The following BCAT1 variants were observed in gnomAD, a reference collection of about 807,000 sequenced individuals.
BCAT1 encodes branched chain amino acid transaminase 1.
A neutral mutation model predicts 52.4 loss-of-function variants in BCAT1; 48 were observed. The observed-to-expected ratio is 0.92, with a 90% CI of 0.73 to 1.16. BCAT1 has a LOEUF of 1.16. Ranked by LOEUF, BCAT1 falls within the 50% of genes most tolerant of loss-of-function variation. The pLI, the probability that BCAT1 is intolerant of heterozygous loss-of-function variation, is 0.00. For synonymous variants in BCAT1, 167 were observed against 161.3 expected (o/e 1.04, Z -0.27); for missense variants, 451 against 457.1 (o/e 0.99, Z 0.12).
At chr12:24,849,188 C>T (rs897882462) in intron 6 of BCAT1, among the ~76,000 whole-genome samples, 2 of 152,254 alleles carry the variant, frequency 1.3e-5, no homozygotes, top group Non-Finnish European at 2.9e-5. Context: ...CCCCTGAAAT[C>T]GTCCAACACT....
Position 24,833,818 on chromosome 12 carries a change from C to CTTTT in BCAT1, c.904-956_904-955insAAAA, listed in dbSNP as rs778891194. On this transcript the variant is annotated intron_variant, in intron 8 of 10. Transcript: ENST00000261192. ...TTTGGTACTCTTTCTACGTTTGTCT[C>CTTTT]TTTCTTTTTTTTTTTTTTTTAAGAC... The CTTTT allele has an allele frequency of 1.8e-3, 267 of 145,866 alleles. 4 individuals carry two copies. Among genetic ancestry groups the CTTTT allele is most frequent in the Middle Eastern group, 0.011 (3 of 276 alleles). 9.0% of individuals were successfully genotyped at this position (145,866 alleles called of 1,614,324 possible). A position where few individuals can be genotyped will look rare whatever the true frequency, so the allele number is the denominator to read the frequency against.
At chr12:24,893,629 A>G (rs1458903881) in intron 3 of BCAT1, among the ~76,000 whole-genome samples, 1 of 152,202 alleles carries the variant, frequency 6.6e-6, no homozygotes, top group African/African-American at 2.4e-5. Context: ...TTAGCACTTA[A>G]TAGGAAGACT....
Position 24,878,541 on chromosome 12 carries a change from T to C in BCAT1, c.499A>G (p.Ile167Val), listed in dbSNP as rs369426515. ...GAGTCAGTTTGCACCTCAGTTCCAA[T>C]GAATGTAGGACGAATATACAGACTA... The part of the protein sequence containing the change: ...SASLYIRPTF[I>V]GTEPSLGVKK... The change falls in exon 5 of 11, where the codon ATT becomes GTT. Residue 167 changes from isoleucine to valine, a missense_variant. Physicochemically the swap from Ile to Val is conservative, Grantham distance 29. Transcript: ENST00000261192. 6 of 1,607,230 alleles carry C rather than the reference T, an allele frequency of 3.7e-6. No homozygotes were observed. The African/African-American group carries it at 6.7e-5, about 18-fold the overall frequency.
At chr12:24,884,122 C>T (rs560026375) in intron 3 of BCAT1, among the ~76,000 whole-genome samples, 3 of 152,076 alleles carry the variant, frequency 2.0e-5, no homozygotes, top group Non-Finnish European at 4.4e-5. Flanking sequence ...ACAGATGAAT[C>T]GATAAAGAAA....
intron 1 of BCAT1, among the ~76,000 whole-genome samples, chr12:24,948,455 A>G (rs989959981): frequency 6.6e-6 from 1 of 152,174 alleles, no homozygotes; most frequent in East Asian, 1.9e-4. Context: ...CAGTGAAAAG[A>G]TCGTTCTCCC....
At chr12:24,946,396 AC>A (rs1943932891) in intron 1 of BCAT1, among the ~76,000 whole-genome samples, 1 of 152,248 alleles carries the variant, frequency 6.6e-6, no homozygotes, top group Non-Finnish European at 1.5e-5. Flanking sequence ...ACTGCAACCA[AC>A]GAAACACCAA....
chr12:24,937,047 T>TA (rs1055528725), intron 1 of BCAT1, among the ~76,000 whole-genome samples: 2 of 151,952 alleles, frequency 1.3e-5, no homozygotes, highest in Non-Finnish European at 2.9e-5. Flanking sequence ...TGCACAGTGG[T>TA]AAAAAAACTG....
intron 2 of BCAT1, among the ~76,000 whole-genome samples, chr12:24,895,720 T>C: frequency 6.6e-6 from 1 of 152,208 alleles, no homozygotes; most frequent in East Asian, 1.9e-4. Flanking sequence ...ACCTTCACTT[T>C]ACATCATCAG....
At chr12:24,927,225 T>C (rs1403949740) in intron 1 of BCAT1, among the ~76,000 whole-genome samples, 1 of 152,074 alleles carries the variant, frequency 6.6e-6, no homozygotes, top group Non-Finnish European at 1.5e-5. Context: ...GGAGAATCAC[T>C]TGAACCCAGG....
intron 1 of BCAT1, among the ~76,000 whole-genome samples, chr12:24,915,641 A>T (rs1469329240): frequency 6.6e-6 from 1 of 152,230 alleles, no homozygotes; most frequent in Non-Finnish European, 1.5e-5. Context: ...TAACCCTGGT[A>T]AGATCCAGCA....
chr12:24,856,993 T>G (rs1467585439), intron 5 of BCAT1, among the ~76,000 whole-genome samples: 1 of 152,124 alleles, frequency 6.6e-6, no homozygotes, highest in East Asian at 1.9e-4. Flanking sequence ...TCCTAAAAAT[T>G]ATCTTGAGCA....
chr12:24,850,685 T>C (rs1344539903), intron 5 of BCAT1, among the ~76,000 whole-genome samples: 2 of 152,214 alleles, frequency 1.3e-5, no homozygotes, highest in Non-Finnish European at 2.9e-5. Flanking sequence ...CATGTTCAAA[T>C]AAGGCAAACG....
chr12:24,895,015 T>C (rs1047597051), intron 2 of BCAT1, among the ~76,000 whole-genome samples: 1 of 152,184 alleles, frequency 6.6e-6, no homozygotes, highest in Non-Finnish European at 1.5e-5. Context: ...GTTTTCCTCT[T>C]TGAAAACAGG....
At chr12:24,818,218 G>C (rs1939959252) in intron 10 of BCAT1, among the ~76,000 whole-genome samples, 169 bp from the exon 11 acceptor site, 1 of 152,072 alleles carries the variant, frequency 6.6e-6, no homozygotes, top group African/African-American at 2.4e-5. Flanking sequence ...GAGAAAGAGA[G>C]GAAAAGAGGG....
At chr12:24,843,832 T>A (rs960809836) in intron 6 of BCAT1, among the ~76,000 whole-genome samples, 4 of 152,104 alleles carry the variant, frequency 2.6e-5, no homozygotes, top group Non-Finnish European at 5.9e-5. Flanking sequence ...AGTCACATGA[T>A]TCCTTTTTTG....
chr12:24,855,777 TTTTC>T (rs761658299), intron 5 of BCAT1, among the ~76,000 whole-genome samples: 2 of 151,936 alleles, frequency 1.3e-5, no homozygotes, highest in Non-Finnish European at 2.9e-5. Context: ...TCTTTATTTT[TTTTC>T]TTTTTCTTTT....
chr12:24,839,850 G>C (rs1374744665), intron 7 of BCAT1, among the ~76,000 whole-genome samples: 1 of 152,098 alleles, frequency 6.6e-6, no homozygotes, highest in Non-Finnish European at 1.5e-5. Flanking sequence ...AAAATCATAT[G>C]ATATAAATCA....
At chr12:24,842,690 C>A (rs532770438) in intron 6 of BCAT1, among the ~76,000 whole-genome samples, 1 of 152,024 alleles carries the variant, frequency 6.6e-6, no homozygotes, top group African/African-American at 2.4e-5. Context: ...CAAGTGTGAG[C>A]GCTCTTATCT....
At chr12:24,868,031 A>G (rs1453413043) in intron 5 of BCAT1, among the ~76,000 whole-genome samples, 1 of 152,200 alleles carries the variant, frequency 6.6e-6, no homozygotes, top group Non-Finnish European at 1.5e-5. Context: ...AAGAAGATAA[A>G]GCAGTGTTAG....
Sources: gnomAD v4.1 joint callset for allele counts (sites outside exome capture counted in the v4.1 genomes callset) on GRCh38, gnomAD v4.1.1 for gene constraint, MANE v1.5 for transcripts, NCBI Gene and HGNC (gene_info 2026-07-23, HGNC 2026-07-21) for gene names.